TRPM3: variants seen among roughly 807,000 people sequenced by gnomAD.
The protein encoded by TRPM3 is transient receptor potential cation channel subfamily M member 3.
TRPM3 carries 77 observed loss-of-function variants against 181.2 expected under a neutral mutation model. The ratio of observed to expected loss-of-function variants is 0.42; its 90% CI spans 0.35 to 0.51. The LOEUF (loss-of-function observed/expected upper bound fraction) is 0.51. Ranked by LOEUF, TRPM3 falls within the 20% of genes least tolerant of loss-of-function variation. The pLI is 0.01. For synonymous variants in TRPM3, 745 were observed against 796.4 expected, an observed-to-expected ratio of 0.94 and a Z score of 1.09; for missense variants, 1,759 against 2,196.7, an observed-to-expected ratio of 0.80 and a Z score of 3.98.
intron 1 of TRPM3, among the ~76,000 whole-genome samples, chr9:71,039,114 A>G (rs1413134085): frequency 6.6e-6 from 1 of 152,084 alleles, no homozygotes; most frequent in African/African-American, 2.4e-5. Context: ...CTTTTTACCC[A>G]CCGATTCTGG....
chr9:71,083,790 A>G (rs1446832753), intron 1 of TRPM3, among the ~76,000 whole-genome samples: 1 of 151,268 alleles, frequency 6.6e-6, no homozygotes, highest in African/African-American at 2.4e-5. Context: ...CTTTCTGAAT[A>G]TCTCCTATGA....
At chr9:70,542,573 AAAG>A (rs2043738420) in intron 25 of TRPM3, among the ~76,000 whole-genome samples, 1 of 152,252 alleles carries the variant, frequency 6.6e-6, no homozygotes, top group African/African-American at 2.4e-5. Context: ...ACAGCATTCA[AAAG>A]AAGATTATGG....
chr9:70,803,604 A>T (rs1178603332), intron 6 of TRPM3, among the ~76,000 whole-genome samples: 1 of 151,664 alleles, frequency 6.6e-6, no homozygotes, highest in Non-Finnish European at 1.5e-5. Flanking sequence ...GCCCGCCACT[A>T]CACCCGGCCA....
chr9:71,244,648 T>C (rs982254878), intron 1 of TRPM3, among the ~76,000 whole-genome samples: 6 of 152,196 alleles, frequency 3.9e-5, no homozygotes, highest in African/African-American at 1.2e-4. Flanking sequence ...CATAAAATTA[T>C]TAAGATCCAT....
chr9:70,646,569 G>A (rs576111482), intron 9 of TRPM3, among the ~76,000 whole-genome samples: 1 of 152,194 alleles, frequency 6.6e-6, no homozygotes, highest in Admixed American at 6.5e-5. Flanking sequence ...GGCCTGTTAG[G>A]GGGTGAGGGG....
At chr9:71,437,269 C>G (rs2094056283) in intron 1 of TRPM3, among the ~76,000 whole-genome samples, 1 of 152,300 alleles carries the variant, frequency 6.6e-6, no homozygotes, top group African/African-American at 2.4e-5. Flanking sequence ...CATAATATCA[C>G]TATTTTGCAA....
chr9:71,017,093 C>A (rs1402971900), intron 1 of TRPM3, among the ~76,000 whole-genome samples: 1 of 152,078 alleles, frequency 6.6e-6, no homozygotes, highest in African/African-American at 2.4e-5. Context: ...TTCACATTTA[C>A]TGCACATAAG....
At chr9:71,141,185 G>A (rs2075078686) in intron 1 of TRPM3, among the ~76,000 whole-genome samples, 1 of 152,056 alleles carries the variant, frequency 6.6e-6, no homozygotes, top group African/African-American at 2.4e-5. Context: ...TAAAGTTTTT[G>A]ATTCTTATTC....
intron 1 of TRPM3, among the ~76,000 whole-genome samples, chr9:70,948,178 T>C (rs891678323): frequency 6.6e-6 from 1 of 152,210 alleles, no homozygotes; most frequent in Non-Finnish European, 1.5e-5. Context: ...CATTAAAGTA[T>C]ACCAGCTAAA....
At chr9:71,340,964 G>GT (rs1401917368) in intron 1 of TRPM3, among the ~76,000 whole-genome samples, 1 of 152,088 alleles carries the variant, frequency 6.6e-6, no homozygotes, top group Non-Finnish European at 1.5e-5. Context: ...AAAATCATCA[G>GT]TTTTTGTCAA....
chr9:71,216,942 T>TC (rs2079910998), intron 1 of TRPM3, among the ~76,000 whole-genome samples: 1 of 41,576 alleles, frequency 2.4e-5, no homozygotes, highest in Non-Finnish European at 5.6e-5. Context: ...CCTTTCTTTT[T>TC]TTTTTTTTTT....
chr9:71,204,787 A>C (rs1193546236), intron 1 of TRPM3, among the ~76,000 whole-genome samples: 1 of 152,168 alleles, frequency 6.6e-6, no homozygotes, highest in African/African-American at 2.4e-5. Context: ...GGCACTATTC[A>C]CAATAGCAAA....
At chr9:71,315,855 A>G (rs1406948721) in intron 1 of TRPM3, among the ~76,000 whole-genome samples, 1 of 152,182 alleles carries the variant, frequency 6.6e-6, no homozygotes, top group African/African-American at 2.4e-5. Context: ...TAGATGTATT[A>G]TAGTTTTATC....
intron 7 of TRPM3, among the ~76,000 whole-genome samples, chr9:70,763,904 A>G (rs944195674): frequency 6.6e-6 from 1 of 152,196 alleles, no homozygotes; most frequent in Non-Finnish European, 1.5e-5. Context: ...GACATGAATG[A>G]ATGAGCATCG....
intron 19 of TRPM3, 92 bp from the exon 20 acceptor site, chr9:70,603,562 C>A: frequency 7.0e-7 from 1 of 1,426,568 alleles, no homozygotes; most frequent in Non-Finnish European, 9.5e-7. Flanking sequence ...AGAGCAGGGT[C>A]AGCAAGCAGG....
intron 1 of TRPM3, among the ~76,000 whole-genome samples, chr9:71,083,713 T>TACAC (rs34900575): frequency 0.26 from 37,501 of 145,124 alleles, 4,968 homozygotes; most frequent in Non-Finnish European, 0.3. Context: ...TATTATTATG[T>TACAC]ACACACACAC....
chr9:71,029,727 C>A (rs1401494962), intron 1 of TRPM3, among the ~76,000 whole-genome samples: 5 of 151,986 alleles, frequency 3.3e-5, no homozygotes, highest in Non-Finnish European at 5.9e-5. Context: ...ATATGAGAGA[C>A]CTTCAGCAAA....
intron 1 of TRPM3, among the ~76,000 whole-genome samples, chr9:71,094,083 T>C (rs2066700030): frequency 1.8e-5 from 1 of 54,882 alleles, no homozygotes; most frequent in Admixed American, 2.7e-4. Flanking sequence ...CTGGGGCCTG[T>C]CAGGGGTGGG....
rs566077762 is a variant in TRPM3, at chr9:70,934,675, T to A, written c.178-70164A>T. 4.6e-5 allele frequency among the ~76,000 whole-genome samples: 7 copies of A among 152,304 alleles called. No individual in the cohort carries two copies. In the South Asian group the frequency reaches 1.0e-3, roughly 23 times the overall value. ...GTTGATTCAAAAGTAATCAAGATTTTGCCATTATGGCAAAAAAACATGTAT... is the reference window on the plus strand; with the variant it reads ...GTTGATTCAAAAGTAATCAAGATTTAGCCATTATGGCAAAAAAACATGTAT... On this transcript the variant is annotated intron_variant, in intron 1 of 25. Transcript: ENST00000677713.
Sources: allele counts gnomAD v4.1 joint callset (sites outside exome capture counted in the v4.1 genomes callset), GRCh38; gene constraint gnomAD v4.1.1; transcripts MANE v1.5; gene names NCBI Gene and HGNC (gene_info 2026-07-23, HGNC 2026-07-21).